Variants in LRRIQ3 observed in about 807,000 individuals in gnomAD.
LRRIQ3 encodes the protein leucine-rich repeat and IQ domain-containing protein 3.
In LRRIQ3, 75 loss-of-function variants were observed where a neutral mutation model predicts 59.3. That is an observed-to-expected ratio of 1.26 (90% CI 1.05 to 1.53). LRRIQ3 has a LOEUF of 1.53. Among genes scored for constraint, LRRIQ3 ranks in the 40% most tolerant of loss-of-function variants. The pLI is 0.00. For missense variants in LRRIQ3, 831 were observed against 710.0 expected (o/e 1.17, Z -1.94); for synonymous variants, 250 against 231.3 (o/e 1.08, Z -0.73).
At chr1:74,073,509 AAAACAAACAAACAAAC>A (rs150618239) in intron 6 of LRRIQ3, among the ~76,000 whole-genome samples, 20 of 149,520 alleles carry the variant, frequency 1.3e-4, no homozygotes, top group African/African-American at 4.9e-4. Flanking sequence ...AGACTGTCTT[AAAACAAACAAACAAAC>A]AAACAAACAA....
intron 7 of LRRIQ3, among the ~76,000 whole-genome samples, chr1:74,040,049 G>A (rs1241131596): frequency 2.0e-5 from 3 of 152,098 alleles, no homozygotes; most frequent in East Asian, 1.9e-4. Context: ...CCCATCTCAC[G>A]TGCAGACACA....
chr1:74,128,210 A>T (rs1646963661), intron 4 of LRRIQ3, among the ~76,000 whole-genome samples: 2 of 151,974 alleles, frequency 1.3e-5, no homozygotes, highest in Non-Finnish European at 2.9e-5. Context: ...CTTTGGGTTA[A>T]ATCTCTTTGG....
chr1:74,120,455 G>A (rs1392819030), intron 4 of LRRIQ3, among the ~76,000 whole-genome samples: 1 of 151,890 alleles, frequency 6.6e-6, no homozygotes, highest in East Asian at 1.9e-4. Flanking sequence ...TTATTAACAA[G>A]GGGAAATATA....
intron 7 of LRRIQ3, among the ~76,000 whole-genome samples, chr1:74,035,263 A>G (rs139557603): frequency 2.6e-5 from 4 of 152,044 alleles, no homozygotes; most frequent in Admixed American, 1.3e-4. Context: ...GATTGCCAAT[A>G]TCAATATAGA....
Position 74,050,750 on chromosome 1 carries a change from T to C in LRRIQ3, c.998-8817A>G, listed in dbSNP as rs77684941. Among the ~76,000 whole-genome samples the C allele has an allele frequency of 3.8e-3, 574 of 152,168 alleles. 5 individuals carry two copies. The highest frequency in any genetic ancestry group is 0.013 in the African/African-American group (545 of 41,532). ...TTAGGTGAAGCAAAGAACAGGAAAA[T>C]AAGGAAAATGAAACGAATATAAGGA... On this transcript the variant is annotated intron_variant, in intron 6 of 7. Transcript: ENST00000354431.
intron 7 of LRRIQ3, among the ~76,000 whole-genome samples, chr1:74,036,051 T>C (rs1653862703): frequency 6.6e-6 from 1 of 152,176 alleles, no homozygotes; most frequent in African/African-American, 2.4e-5. Context: ...TATTCATCTT[T>C]GTATGGCAGG....
intron 3 of LRRIQ3, among the ~76,000 whole-genome samples, chr1:74,166,295 T>C (rs1399227858): frequency 1.3e-5 from 2 of 151,808 alleles, no homozygotes; most frequent in African/African-American, 2.4e-5. Context: ...GTTTGTGTTT[T>C]TTTTTCTGTA....
intron 7 of LRRIQ3, among the ~76,000 whole-genome samples, chr1:74,035,144 C>T (rs1237258598): frequency 1.3e-5 from 2 of 151,998 alleles, no homozygotes; most frequent in Admixed American, 6.6e-5. Flanking sequence ...ACAAATGATT[C>T]TTCTTTATAG....
intron 3 of LRRIQ3, among the ~76,000 whole-genome samples, chr1:74,168,503 C>T (rs986133899): frequency 5.9e-5 from 9 of 151,934 alleles, no homozygotes; most frequent in Admixed American, 4.6e-4. Flanking sequence ...TTGTTAACAA[C>T]GCATAGCTGA....
At chr1:74,038,418 TG>T (rs1487591967) in intron 7 of LRRIQ3, among the ~76,000 whole-genome samples, 1 of 152,152 alleles carries the variant, frequency 6.6e-6, no homozygotes, top group Non-Finnish European at 1.5e-5. Context: ...CCCAGACAAG[TG>T]GGTTTCCCCC....
At chr1:74,075,994 C>T (rs1477811496) in intron 5 of LRRIQ3, among the ~76,000 whole-genome samples, 1 of 151,998 alleles carries the variant, frequency 6.6e-6, no homozygotes, top group Admixed American at 6.6e-5. Flanking sequence ...TCTCATTGGC[C>T]CCACATCCGG....
intron 4 of LRRIQ3, among the ~76,000 whole-genome samples, chr1:74,128,538 C>G (rs1646967751): frequency 6.6e-6 from 1 of 152,082 alleles, no homozygotes; most frequent in Admixed American, 6.6e-5. Context: ...CTCAAGAAGG[C>G]TATTTTAAAT....
chr1:74,173,100 G>C (rs1649426646), intron 3 of LRRIQ3, among the ~76,000 whole-genome samples: 1 of 151,884 alleles, frequency 6.6e-6, no homozygotes, highest in African/African-American at 2.4e-5. Context: ...AAGAGATTGA[G>C]ACCATCCTGG....
chr1:74,193,381 AT>A (rs1315344839), intron 1 of LRRIQ3, among the ~76,000 whole-genome samples: 4 of 152,140 alleles, frequency 2.6e-5, no homozygotes, highest in African/African-American at 9.7e-5. Context: ...TAAAGTACCA[AT>A]TTAAAAATTA....
intron 4 of LRRIQ3, among the ~76,000 whole-genome samples, chr1:74,146,858 C>T (rs1214036830): frequency 6.6e-6 from 1 of 152,178 alleles, no homozygotes; most frequent in Non-Finnish European, 1.5e-5. Flanking sequence ...CCAAAAAATT[C>T]ACAGTAAGTA....
intron 4 of LRRIQ3, among the ~76,000 whole-genome samples, chr1:74,119,207 A>G (rs965701126): frequency 3.3e-5 from 5 of 152,168 alleles, no homozygotes; most frequent in Admixed American, 6.5e-5. Flanking sequence ...TTAAATCCTT[A>G]TAAGAACTAT....
Position 74,026,899 on chromosome 1 carries a change from A to G in LRRIQ3, c.1789T>C (p.Cys597Arg). The change falls in exon 8 of 8, where the codon TGT (cysteine) becomes CGT (arginine). Residue 597 changes from cysteine (C) to arginine (R), a missense_variant. Physicochemically the swap from Cys to Arg is radical, Grantham distance 180 (BLOSUM62 -3). Coordinates refer to ENST00000354431, the MANE Select transcript of LRRIQ3 (RefSeq NM_001105659.2). ...VMDMIAFEKA[C>R]ERLQDAKTKV... is the part of the protein sequence containing the mutation. ...GTTTTAGCATCTTGAAGTCTTTCAC[A>G]GGCTTTTTCAAAGGCAATCATATCC... 6.2e-7 allele frequency: 1 copy of G among 1,605,560 alleles called. No homozygotes were observed. The highest frequency in any genetic ancestry group is 8.5e-7 in the Non-Finnish European group (1 of 1,175,086).
chr1:74,142,410 C>T (rs1416242451), intron 4 of LRRIQ3, among the ~76,000 whole-genome samples: 1 of 151,976 alleles, frequency 6.6e-6, no homozygotes, highest in East Asian at 1.9e-4. Flanking sequence ...TAGTGTTTAC[C>T]TACTTTCCCA....
chr1:74,182,017 G>A (rs1650008654), intron 3 of LRRIQ3: 2 of 151,620 alleles, frequency 1.3e-5, no homozygotes, highest in South Asian at 4.2e-4. Flanking sequence ...GTGTTATAAA[G>A]AACGTTTCCT....
Sources: gnomAD v4.1 joint callset for allele counts (sites outside exome capture counted in the v4.1 genomes callset) on GRCh38, gnomAD v4.1.1 for gene constraint, MANE v1.5 for transcripts, NCBI Gene and HGNC (gene_info 2026-07-23, HGNC 2026-07-21) for gene names.